ICE2: variants seen among roughly 807,000 people sequenced by gnomAD.
The protein encoded by ICE2 is little elongation complex subunit 2.
ICE2 carries 87 observed loss-of-function variants against 105.4 expected under a neutral mutation model. The observed-to-expected ratio is 0.83, with a 90% CI of 0.69 to 0.99. The LOEUF is 0.99. ICE2 is among the 50% of genes least tolerant of loss of function. The probability of loss-of-function intolerance (pLI) is 0.00; values close to 1 mark genes in which losing one functional copy is unlikely to be tolerated. For missense variants in ICE2, 1,323 were observed against 1,146.7 expected, an observed-to-expected ratio of 1.15 and a Z score of -2.22; for synonymous variants, 399 against 392.0, an observed-to-expected ratio of 1.02 and a Z score of -0.21.
intron 5 of ICE2, among the ~76,000 whole-genome samples, chr15:60,460,154 T>A (rs1318191509): frequency 6.6e-6 from 1 of 152,188 alleles, no homozygotes; most frequent in East Asian, 1.9e-4. Context: ...CATATGGTTT[T>A]GGCATCAAGA....
At position 60,449,681 on chromosome 15, in the gene ICE2, G is replaced by A; in HGVS notation, c.1286C>T (p.Thr429Ile). ...TGCTTTGGGGGCTGTAGGAGCATCT[G>A]TCATGTTAGGTACTGTGGAAGTACT... The part of the protein sequence containing the change: ...PASTSTVPNM[T>I]DAPTAPKAGT... The change falls in exon 10 of 16, where the codon ACA becomes ATA. Residue 429 changes from threonine (T) to isoleucine (I), a missense_variant. Coordinates refer to ENST00000261520, the MANE Select transcript of ICE2 (RefSeq NM_024611.6). The A allele has an allele frequency of 6.2e-7, 1 of 1,614,106 alleles. No homozygotes were observed. Among genetic ancestry groups the A allele is most frequent in the Non-Finnish European group, 8.5e-7 (1 of 1,180,036 alleles).
At chr15:60,447,797 T>C (rs2063856865) in intron 11 of ICE2, 173 bp downstream of exon 11, 2 of 541,820 alleles carry the variant, frequency 3.7e-6, no homozygotes, top group East Asian at 3.1e-5. Flanking sequence ...ACAAACACTT[T>C]CCCTTATTAA....
chr15:60,477,836 GT>G, intron 2 of ICE2, 100 bp downstream of exon 2: 2 of 1,059,528 alleles, frequency 1.9e-6, no homozygotes, highest in Non-Finnish European at 2.9e-6. Flanking sequence ...TGTATTTTCT[GT>G]TTCCTCCAAA....
intron 9 of ICE2, among the ~76,000 whole-genome samples, chr15:60,450,798 T>G (rs1055202130): frequency 1.3e-5 from 2 of 152,244 alleles, no homozygotes; most frequent in Non-Finnish European, 2.9e-5. Flanking sequence ...AGAAAATCTC[T>G]TGGCATAGTG....
chr15:60,436,814 AT>A (rs1220592700), intron 12 of ICE2, among the ~76,000 whole-genome samples: 4 of 151,598 alleles, frequency 2.6e-5, no homozygotes, highest in Non-Finnish European at 5.9e-5. Flanking sequence ...CATAATATGT[AT>A]TTTTATGTTA....
intron 13 of ICE2, among the ~76,000 whole-genome samples, chr15:60,432,629 A>C (rs979249512): frequency 2.0e-5 from 3 of 152,026 alleles, no homozygotes; most frequent in African/African-American, 7.2e-5. Context: ...GCAGTGGCTC[A>C]CGCCTGTAAT....
At chr15:60,475,028 G>A (rs2064718689) in intron 3 of ICE2, among the ~76,000 whole-genome samples, 1 of 152,194 alleles carries the variant, frequency 6.6e-6, no homozygotes, top group Non-Finnish European at 1.5e-5. Flanking sequence ...AGAGGAGTAA[G>A]AGGGGACAAC....
Position 60,442,527 on chromosome 15 carries a change from G to A in ICE2, c.2314C>T (p.Leu772=), listed in dbSNP as rs139259677. The A allele has an allele frequency of 7.0e-6, 11 of 1,567,826 alleles. No homozygotes were observed. Among genetic ancestry groups the A allele is most frequent in the Non-Finnish European group, 8.6e-6 (10 of 1,166,752 alleles). ...CAAGCTTGATACTCTACTTTTGGTAGTACATAAACTGGAAATTGCTGCAAT... is the reference window on the plus strand; with the variant it reads ...CAAGCTTGATACTCTACTTTTGGTAATACATAAACTGGAAATTGCTGCAAT... ...KIRRQFPVYV[L]PKVEYQACYG... Residue 772 remains leucine, a synonymous_variant, in exon 12 of 16, where the codon CTA becomes TTA. Transcript: ENST00000261520.
intron 12 of ICE2, 60 bp from the exon 13 acceptor site, chr15:60,436,287 A>C (rs914507870): frequency 4.7e-6 from 3 of 632,752 alleles, no homozygotes; most frequent in Non-Finnish European, 7.7e-6. Context: ...AAAAAAAAAA[A>C]ACCAAGTTAT....
intron 12 of ICE2, chr15:60,438,391 TCATA>T (rs1425313844): frequency 3.9e-5 from 6 of 152,196 alleles, no homozygotes; most frequent in Non-Finnish European, 8.8e-5. Context: ...TGCTTTATGC[TCATA>T]CAAATAATTA....
chr15:60,477,198 T>C (rs569726258), intron 2 of ICE2, among the ~76,000 whole-genome samples: 2 of 152,344 alleles, frequency 1.3e-5, no homozygotes, highest in South Asian at 4.1e-4. Flanking sequence ...TGTCGTGGTA[T>C]TGTATCTGTG....
chr15:60,454,951 C>A, intron 8 of ICE2, 52 bp downstream of exon 8: 1 of 1,443,012 alleles, frequency 6.9e-7, no homozygotes, highest in Non-Finnish European at 9.3e-7. Context: ...TGAGAACATG[C>A]AGTCCAACTT....
At chr15:60,457,728 T>C (rs1727987033) in intron 5 of ICE2, among the ~76,000 whole-genome samples, 2 of 152,180 alleles carry the variant, frequency 1.3e-5, no homozygotes, top group South Asian at 4.1e-4. Flanking sequence ...TCTCTCTTCA[T>C]CTATGCTTTT....
chr15:60,462,097 A>G (rs567185079), intron 5 of ICE2, among the ~76,000 whole-genome samples: 1 of 152,366 alleles, frequency 6.6e-6, no homozygotes, highest in South Asian at 2.1e-4. Context: ...TTTAAAAGGA[A>G]AGAATCTAGT....
intron 13 of ICE2, 77 bp from the exon 14 acceptor site, chr15:60,432,061 G>C: frequency 1.5e-6 from 1 of 685,502 alleles, no homozygotes; most frequent in Admixed American, 2.5e-5. Context: ...CTCAGGCAGA[G>C]AAATGCCCTC....
intron 12 of ICE2, 59 bp downstream of exon 12, chr15:60,442,357 T>C: frequency 6.9e-7 from 1 of 1,446,306 alleles, no homozygotes; most frequent in South Asian, 1.3e-5. Flanking sequence ...CAATTGAATT[T>C]ACAAGTATGT....
chr15:60,468,272 G>T lies in ICE2; in HGVS notation c.197C>A (p.Pro66Gln), dbSNP rs748464020. ...TGCTTGAGTTGCTGAACTAACTGCC[G>T]GCTCATTTTCTACAGAACTTGCTGA... Reference protein sequence around the residue: ...NASASSVENEPAVSSATQAKE... With the variant: ...NASASSVENEQAVSSATQAKE... The change falls in exon 4 of 16, where the codon CCG becomes CAG. Residue 66 changes from proline (P) to glutamine (Q), a missense_variant. Coordinates refer to ENST00000261520, the MANE Select transcript of ICE2 (RefSeq NM_024611.6). The T allele has an allele frequency of 1.4e-5, 23 of 1,612,704 alleles. No homozygotes were observed. Among genetic ancestry groups the T allele is most frequent in the Admixed American group, 6.7e-5 (4 of 60,000 alleles).
chr15:60,478,933 T>A, intron 1 of ICE2, 70 bp downstream of exon 1: 1 of 455,368 alleles, frequency 2.2e-6, no homozygotes, highest in Non-Finnish European at 4.4e-6. Flanking sequence ...CGCCCCTGCA[T>A]GAGCACGCCC....
At chr15:60,463,848 A>C (rs1460170708) in intron 5 of ICE2, among the ~76,000 whole-genome samples, 1 of 152,198 alleles carries the variant, frequency 6.6e-6, no homozygotes, top group Non-Finnish European at 1.5e-5. Flanking sequence ...ACACACAAAA[A>C]GCACAGAACT....
Sources: allele counts gnomAD v4.1 joint callset (sites outside exome capture counted in the v4.1 genomes callset), GRCh38; gene constraint gnomAD v4.1.1; transcripts MANE v1.5; gene names NCBI Gene and HGNC (gene_info 2026-07-23, HGNC 2026-07-21).